REDIC1: variants seen among roughly 807,000 people sequenced by gnomAD.
REDIC1 encodes the protein HEI10 Interacting Protein 1.
the REDIC1 span, among the ~76,000 whole-genome samples, chr12:39,879,074 G>C: frequency 6.6e-6 from 1 of 152,276 alleles, no homozygotes; most frequent in Non-Finnish European, 1.5e-5. Flanking sequence ...CAAGGCATAA[G>C]CCTTGCTGTC....
the REDIC1 span, among the ~76,000 whole-genome samples, chr12:39,835,916 T>C: frequency 1.4e-4 from 21 of 152,260 alleles, 1 homozygote; most frequent in East Asian, 2.9e-3. Context: ...TCAAAGGGTA[T>C]TTTAAGCTGA....
chr12:39,892,078 C>G, the REDIC1 span, among the ~76,000 whole-genome samples: 1 of 152,132 alleles, frequency 6.6e-6, no homozygotes, highest in Non-Finnish European at 1.5e-5. Flanking sequence ...TAAAAGTTTG[C>G]AAATTACCAA....
At chr12:39,701,988 G>C in the REDIC1 span, among the ~76,000 whole-genome samples, 1 of 152,060 alleles carries the variant, frequency 6.6e-6, no homozygotes, top group Non-Finnish European at 1.5e-5. Flanking sequence ...GAGAAAGCAG[G>C]AAAGATCCAA....
At chr12:39,901,562 A>G in the REDIC1 span, among the ~76,000 whole-genome samples, 1 of 129,116 alleles carries the variant, frequency 7.7e-6, no homozygotes, top group Admixed American at 8.5e-5. Flanking sequence ...AAAAGAAGAC[A>G]TTTATGCAGC....
the REDIC1 span, among the ~76,000 whole-genome samples, chr12:39,805,776 G>A: frequency 1.3e-5 from 2 of 152,152 alleles, no homozygotes; most frequent in African/African-American, 4.8e-5. Flanking sequence ...ATCTGAGTGG[G>A]CAAGTCAGAG....
At chr12:39,787,854 T>C in the REDIC1 span, among the ~76,000 whole-genome samples, 1 of 152,176 alleles carries the variant, frequency 6.6e-6, no homozygotes, top group Non-Finnish European at 1.5e-5. Context: ...TACTGATAAT[T>C]CACTTCTGTT....
chr12:39,697,173 T>C, the REDIC1 span, among the ~76,000 whole-genome samples: 1 of 151,460 alleles, frequency 6.6e-6, no homozygotes. Context: ...GAGCAGACTT[T>C]GCAGTGGAAG....
At chr12:39,886,168 T>C in the REDIC1 span, among the ~76,000 whole-genome samples, 1 of 152,188 alleles carries the variant, frequency 6.6e-6, no homozygotes, top group African/African-American at 2.4e-5. Context: ...AGATGATCAA[T>C]TTTTTAACAG....
the REDIC1 span, among the ~76,000 whole-genome samples, chr12:39,750,371 C>T: frequency 5.3e-5 from 8 of 152,188 alleles, no homozygotes; most frequent in South Asian, 1.7e-3. Context: ...TGTGAAGGAC[C>T]TCTTCAAGAA....
chr12:39,693,077 C>G, the REDIC1 span, among the ~76,000 whole-genome samples: 2 of 152,102 alleles, frequency 1.3e-5, no homozygotes, highest in Middle Eastern at 3.4e-3. Context: ...TGCTCATGTT[C>G]CTTTTCTGAA....
the REDIC1 span, among the ~76,000 whole-genome samples, chr12:39,707,229 A>C: frequency 6.6e-6 from 1 of 152,100 alleles, no homozygotes; most frequent in South Asian, 2.1e-4. Flanking sequence ...CAAAAGAGAC[A>C]TACACATGGC....
the REDIC1 span, among the ~76,000 whole-genome samples, chr12:39,770,602 G>GTT: frequency 1.3e-5 from 2 of 152,130 alleles, no homozygotes; most frequent in African/African-American, 4.8e-5. Context: ...ATGGGCTGTT[G>GTT]GGAACATTAA....
chr12:39,638,828 C>T, the REDIC1 span, among the ~76,000 whole-genome samples: 1 of 151,844 alleles, frequency 6.6e-6, no homozygotes, highest in Non-Finnish European at 1.5e-5. Flanking sequence ...TTCTTAGGCA[C>T]ATAGGGATGG....
chr12:39,653,556 TC>T, the REDIC1 span, among the ~76,000 whole-genome samples: 393 of 77,478 alleles, frequency 5.1e-3, 32 homozygotes, highest in African/African-American at 5.4e-3. Context: ...TTCTTCTTCT[TC>T]TTTCTTCTTC....
At chr12:39,690,227 C>T in the REDIC1 span, among the ~76,000 whole-genome samples, 2 of 152,154 alleles carry the variant, frequency 1.3e-5, no homozygotes, top group Non-Finnish European at 2.9e-5. Flanking sequence ...CTAAAACAAG[C>T]AAACAGAACA....
the REDIC1 span, among the ~76,000 whole-genome samples, chr12:39,710,971 T>C: frequency 1.6e-4 from 25 of 151,524 alleles, no homozygotes; most frequent in Non-Finnish European, 2.1e-4. Context: ...AGTGGTGATT[T>C]GTGAGACCGG....
chr12:39,713,357 TATACGTGTATACAC>T, the REDIC1 span, among the ~76,000 whole-genome samples: 1 of 131,414 alleles, frequency 7.6e-6, no homozygotes, highest in East Asian at 2.1e-4. Context: ...TGTATACACA[TATACGTGTATACAC>T]ATATACATAT....
chr12:39,724,612 GA>G, the REDIC1 span, among the ~76,000 whole-genome samples: 1 of 152,074 alleles, frequency 6.6e-6, no homozygotes, highest in Non-Finnish European at 1.5e-5. Flanking sequence ...CAGAGATTAT[GA>G]CAAGTAGATG....
the REDIC1 span, among the ~76,000 whole-genome samples, chr12:39,714,397 G>GTA: frequency 0.57 from 20,932 of 36,406 alleles, 6,713 homozygotes; most frequent in Non-Finnish European, 0.75. Flanking sequence ...ATGTATATAT[G>GTA]TATATATATG....
Sources: gnomAD v4.1 joint callset for allele counts (sites outside exome capture counted in the v4.1 genomes callset) on GRCh38, gnomAD v4.1.1 for gene constraint, MANE v1.5 for transcripts, NCBI Gene and HGNC (gene_info 2026-07-23, HGNC 2026-07-21) for gene names.